Variants in TDRD5 observed in about 807,000 individuals in gnomAD.
The protein encoded by TDRD5 is tudor domain containing 5.
TDRD5 carries 41 observed loss-of-function variants against 120.6 expected under a neutral mutation model. The ratio of observed to expected loss-of-function variants is 0.34; its 90% CI spans 0.26 to 0.44. TDRD5 has a LOEUF of 0.44. Ranked by LOEUF, TDRD5 falls within the 20% of genes least tolerant of loss-of-function variation. The pLI is 1.00. For synonymous variants in TDRD5, 430 were observed against 433.7 expected (o/e 0.99, Z 0.11); for missense variants, 1,006 against 1,221.2 (o/e 0.82, Z 2.63).
chr1:179,596,830 G>T (rs1675420950), intron 4 of TDRD5, among the ~76,000 whole-genome samples: 1 of 152,138 alleles, frequency 6.6e-6, no homozygotes, highest in East Asian at 1.9e-4. Flanking sequence ...ATACCTGGGG[G>T]TTGGATTACT....
intron 4 of TDRD5, among the ~76,000 whole-genome samples, chr1:179,599,821 C>G (rs561144358): frequency 6.6e-6 from 1 of 152,308 alleles, no homozygotes; most frequent in Non-Finnish European, 1.5e-5. Context: ...TATAACAGAA[C>G]TGGAAAATTC....
intron 6 of TDRD5, among the ~76,000 whole-genome samples, chr1:179,625,149 TCCCAAC>T (rs1461722428): frequency 1.5e-5 from 2 of 136,944 alleles, no homozygotes; most frequent in East Asian, 2.2e-4. Context: ...AAAAAAAGAA[TCCCAAC>T]CCCAACCCGA....
chr1:179,596,569 A>T (rs866634508), intron 4 of TDRD5, among the ~76,000 whole-genome samples: 56 of 152,352 alleles, frequency 3.7e-4, no homozygotes, highest in African/African-American at 1.3e-3. Flanking sequence ...GGAATCAAAC[A>T]ATATCTAATC....
At position 179,663,376 on chromosome 1, in the gene TDRD5, C is replaced by A; in HGVS notation, c.2534C>A (p.Thr845Lys). The change falls in exon 16 of 18, where the codon ACA (threonine) becomes AAA (lysine). Residue 845 changes from threonine to lysine, a missense_variant. Physicochemically the swap from Thr to Lys is moderately conservative, Grantham distance 78. Coordinates refer to ENST00000444136, the MANE Select transcript of TDRD5 (RefSeq NM_001199085.3). Reference protein sequence around the residue: ...KDWCFSTPKDTWDDSWQPSGL... With the variant: ...KDWCFSTPKDKWDDSWQPSGL... ...TGGTGTTTTTCTACCCCTAAAGATA[C>A]ATGGGATGATTCTTGGCAGCCTTCA... The A allele has an allele frequency of 6.2e-7, 1 of 1,613,310 alleles. No homozygotes were observed. The highest frequency in any genetic ancestry group is 8.5e-7 in the Non-Finnish European group (1 of 1,179,748).
chr1:179,669,182 C>T lies in TDRD5; in HGVS notation c.2650-12C>T. ...CTTTTCATGTTTTTGCCCCATTTTT[C>T]CCATTCTGCAGCAACTAGACATAAA... On this transcript the variant is annotated splice_polypyrimidine_tract_variant and intron_variant, in intron 16 of 17. Coordinates refer to ENST00000444136, the MANE Select transcript of TDRD5 (RefSeq NM_001199085.3). 6.2e-7 allele frequency: 1 copy of T among 1,604,546 alleles called. No individual in the cohort carries two copies. Among genetic ancestry groups the T allele is most frequent in the Non-Finnish European group, 8.5e-7 (1 of 1,175,598 alleles).
chr1:179,609,922 G>A (rs1445291368), intron 4 of TDRD5, among the ~76,000 whole-genome samples: 2 of 152,048 alleles, frequency 1.3e-5, no homozygotes, highest in Non-Finnish European at 2.9e-5. Context: ...GCAAATTTTA[G>A]CATCCTCATC....
chr1:179,645,093 T>C (rs1173330130), intron 11 of TDRD5, among the ~76,000 whole-genome samples: 1 of 139,932 alleles, frequency 7.1e-6, no homozygotes, highest in Non-Finnish European at 1.5e-5. Context: ...TTTTTTTTTT[T>C]TTTTTTTTTT....
chr1:179,662,751 G>A (rs189367435), intron 15 of TDRD5, among the ~76,000 whole-genome samples: 5 of 152,330 alleles, frequency 3.3e-5, no homozygotes, highest in East Asian at 1.9e-4. Flanking sequence ...GCAGTGACAT[G>A]TAGTGGGACA....
chr1:179,609,819 G>A (rs1382009009), intron 4 of TDRD5, among the ~76,000 whole-genome samples: 5 of 152,104 alleles, frequency 3.3e-5, no homozygotes, highest in African/African-American at 9.7e-5. Flanking sequence ...CTCCACTTGC[G>A]CAAATCAGTA....
chr1:179,621,290 T>C (rs1676830572), intron 6 of TDRD5, among the ~76,000 whole-genome samples, 199 bp downstream of exon 6: 1 of 152,172 alleles, frequency 6.6e-6, no homozygotes, highest in Non-Finnish European at 1.5e-5. Flanking sequence ...AGGATATTTT[T>C]ACCACTTATT....
intron 9 of TDRD5, among the ~76,000 whole-genome samples, chr1:179,637,465 C>T (rs996962858): frequency 1.3e-5 from 2 of 152,136 alleles, no homozygotes; most frequent in Non-Finnish European, 2.9e-5. Flanking sequence ...ATACTATAGA[C>T]TGGGTACAGT....
chr1:179,679,162 A>G (rs1680300314), intron 17 of TDRD5, among the ~76,000 whole-genome samples: 1 of 152,102 alleles, frequency 6.6e-6, no homozygotes. Flanking sequence ...TGGGATGGTG[A>G]ATTATATCGA....
intron 17 of TDRD5, among the ~76,000 whole-genome samples, chr1:179,682,657 TG>T (rs1680487865): frequency 6.6e-6 from 1 of 152,208 alleles, no homozygotes; most frequent in Admixed American, 6.5e-5. Flanking sequence ...CTGTCTTTTT[TG>T]GGGGGTGGGG....
At chr1:179,622,604 T>C (rs551655798) in intron 6 of TDRD5, among the ~76,000 whole-genome samples, 37 of 152,250 alleles carry the variant, frequency 2.4e-4, no homozygotes, top group South Asian at 6.2e-4. Context: ...AAAAACCAAG[T>C]TATTTTCATA....
At chr1:179,659,031 GTTGT>G (rs1339337371) in intron 14 of TDRD5, among the ~76,000 whole-genome samples, 3 of 152,124 alleles carry the variant, frequency 2.0e-5, no homozygotes, top group Non-Finnish European at 4.4e-5. Flanking sequence ...TTGGAAGTGT[GTTGT>G]TTAATTTCCA....
intron 15 of TDRD5, 81 bp from the exon 16 acceptor site, chr1:179,663,267 C>A: frequency 6.9e-7 from 1 of 1,452,872 alleles, no homozygotes; most frequent in South Asian, 1.4e-5. Context: ...TGCTTTCTTG[C>A]ATTTATCTTG....
intron 17 of TDRD5, among the ~76,000 whole-genome samples, chr1:179,687,769 G>A (rs1242788402): frequency 6.6e-6 from 1 of 151,770 alleles, no homozygotes; most frequent in African/African-American, 2.4e-5. Context: ...AGCTCTTCTT[G>A]TTGAATTGAT....
At chr1:179,615,136 A>G (rs1430042274) in intron 4 of TDRD5, among the ~76,000 whole-genome samples, 2 of 152,154 alleles carry the variant, frequency 1.3e-5, no homozygotes, top group Non-Finnish European at 2.9e-5. Context: ...GGGTTTTTTC[A>G]TTATAATAAT....
At chr1:179,680,967 A>G (rs761733730) in intron 17 of TDRD5, among the ~76,000 whole-genome samples, 7 of 152,268 alleles carry the variant, frequency 4.6e-5, no homozygotes, top group Non-Finnish European at 8.8e-5. Flanking sequence ...TAACCCAAGC[A>G]TATCAATTGT....
Sources: gnomAD v4.1 joint callset for allele counts (sites outside exome capture counted in the v4.1 genomes callset) on GRCh38, gnomAD v4.1.1 for gene constraint, MANE v1.5 for transcripts, NCBI Gene and HGNC (gene_info 2026-07-23, HGNC 2026-07-21) for gene names.